XPO5: variants seen among roughly 807,000 people sequenced by gnomAD.
XPO5 encodes the protein exportin-5.
Under a neutral mutation model 160.6 loss-of-function variants are expected in XPO5, and 46 were observed. That is an observed-to-expected ratio of 0.29 (90% CI 0.23 to 0.37). XPO5 has a LOEUF of 0.37. Ranked by LOEUF, XPO5 falls within the 10% of genes least tolerant of loss-of-function variation. XPO5 has a pLI of 1.00. For synonymous variants in XPO5, 537 were observed against 519.3 expected, an observed-to-expected ratio of 1.03 and a Z score of -0.46; for missense variants, 1,090 against 1,463.9, an observed-to-expected ratio of 0.74 and a Z score of 4.17.
At chr6:43,551,256 G>C (rs1475361583) in intron 15 of XPO5, 42 bp downstream of exon 15, 1 of 1,522,352 alleles carries the variant, frequency 6.6e-7, no homozygotes, top group Non-Finnish European at 8.8e-7. Context: ...AATTAACTTA[G>C]AAATGTCAAA....
intron 15 of XPO5, chr6:43,551,011 A>G (rs1337389997): frequency 4.5e-6 from 1 of 220,076 alleles, no homozygotes; most frequent in African/African-American, 2.3e-5. Context: ...CCTGATCCAC[A>G]GTAAGTACTG....
chr6:43,564,498 C>T (rs1238460), intron 8 of XPO5, among the ~76,000 whole-genome samples: 24 of 151,624 alleles, frequency 1.6e-4, no homozygotes, highest in Non-Finnish European at 3.1e-4. Context: ...CATTGCACCC[C>T]AGCCTGGGCA....
chr6:43,525,025 C>T, intron 29 of XPO5, 57 bp from the exon 30 acceptor site: 1 of 1,594,030 alleles, frequency 6.3e-7, no homozygotes, highest in Non-Finnish European at 8.5e-7. Flanking sequence ...GCCTCAGCAC[C>T]CCAGTTCTTC....
At chr6:43,573,716 G>GA (rs1763126224) in intron 1 of XPO5, 115 bp from the exon 2 acceptor site, 2 of 1,301,944 alleles carry the variant, frequency 1.5e-6, no homozygotes, top group Non-Finnish European at 2.0e-6. Context: ...ACCTGTCCCA[G>GA]CACTCTGGGA....
Position 43,549,891 on chromosome 6 carries a change from A to AC in XPO5, c.1770+1dup. On this transcript the variant is annotated splice_donor_variant, in intron 16 of 31. Coordinates refer to ENST00000265351, the MANE Select transcript of XPO5 (RefSeq NM_020750.3). LOFTEE classifies it high-confidence loss of function. The stretch of plus-strand genomic sequence containing the variant: ...ATCTATTGGTTTAATTAATGGTCTT[A>AC]CCTTACTTTCTTCAACAGTTTCAAA... 1 of 1,609,836 alleles carries AC rather than the reference A, an allele frequency of 6.2e-7. No individual in the cohort carries two copies. Among genetic ancestry groups the AC allele is most frequent in the Non-Finnish European group, 8.5e-7 (1 of 1,177,636 alleles).
intron 8 of XPO5, among the ~76,000 whole-genome samples, chr6:43,563,156 G>A (rs192623554): frequency 5.9e-5 from 9 of 151,966 alleles, no homozygotes; most frequent in South Asian, 2.1e-4. Flanking sequence ...ACACGATCTC[G>A]CTGTCACACC....
In XPO5 at chr6:43,526,682, T is replaced by C; in HGVS notation, c.2983+3A>G. On this transcript the variant is annotated splice_donor_region_variant and intron_variant, in intron 27 of 31. Transcript: ENST00000265351. The stretch of plus-strand genomic sequence containing the variant: ...AACTCCAAGGTCTCACAGGCTCACT[T>C]ACCGTCTCCATCTGCTGGGGGAGCA... 1 of 1,613,888 alleles carries C rather than the reference T, an allele frequency of 6.2e-7. No homozygotes were observed. The highest frequency in any genetic ancestry group is 8.5e-7 in the Non-Finnish European group (1 of 1,179,834).
chr6:43,525,812 A>C, intron 28 of XPO5, 27 bp downstream of exon 28: 1 of 1,612,262 alleles, frequency 6.2e-7, no homozygotes, highest in Non-Finnish European at 8.5e-7. Flanking sequence ...GCAAGGAGTA[A>C]AGGTATCACC....
chr6:43,560,430 A>C, intron 10 of XPO5, 127 bp from the exon 11 acceptor site: 1 of 1,214,356 alleles, frequency 8.2e-7, no homozygotes, highest in Non-Finnish European at 1.1e-6. Context: ...AGCTGTCTCT[A>C]CTGCAATTTA....
intron 3 of XPO5, among the ~76,000 whole-genome samples, chr6:43,571,570 T>C (rs1465542888): frequency 6.6e-6 from 1 of 152,126 alleles, no homozygotes; most frequent in Non-Finnish European, 1.5e-5. Context: ...AAAGCCAAGG[T>C]GGGAGGATTG....
chr6:43,560,087 G>T, intron 11 of XPO5, 91 bp downstream of exon 11: 8 of 1,459,572 alleles, frequency 5.5e-6, no homozygotes, highest in Non-Finnish European at 7.4e-6. Flanking sequence ...CCATAGAGCT[G>T]GGATTATAGG....
chr6:43,529,119 ACT>A, intron 23 of XPO5, 194 bp from the exon 24 acceptor site: 3 of 1,144,942 alleles, frequency 2.6e-6, no homozygotes, highest in South Asian at 2.7e-5. Flanking sequence ...ATTCCATTAT[ACT>A]CTTAGTTTAG....
Position 43,567,366 on chromosome 6 carries a change from G to A in XPO5, c.649-12C>T. The A allele has an allele frequency of 1.3e-6, 2 of 1,594,038 alleles. No individual in the cohort carries two copies. The highest frequency in any genetic ancestry group is 1.7e-6 in the Non-Finnish European group (2 of 1,171,112). On this transcript the variant is annotated splice_polypyrimidine_tract_variant and intron_variant, in intron 6 of 31. Coordinates refer to ENST00000265351, the MANE Select transcript of XPO5 (RefSeq NM_020750.3). ...CAGTTTGCTTGCGCCTACCAGAAAA[G>A]AAGTAACTTTGGACCATGAAGTCCT...
chr6:43,533,386 AAAAT>A (rs1582203880), intron 21 of XPO5: 2 of 152,696 alleles, frequency 1.3e-5, no homozygotes, highest in African/African-American at 4.8e-5. Flanking sequence ...ACGGGGAAAA[AAAAT>A]AAATTGCCTT....
At chr6:43,567,595 T>C (rs1012566121) in intron 6 of XPO5, among the ~76,000 whole-genome samples, 5 of 152,054 alleles carry the variant, frequency 3.3e-5, no homozygotes, top group Non-Finnish European at 5.9e-5. Context: ...CCAAATCTTA[T>C]CATTTTACTT....
At chr6:43,568,816 G>A (rs1354751908) in intron 5 of XPO5, 79 bp from the exon 6 acceptor site, 6 of 1,233,476 alleles carry the variant, frequency 4.9e-6, no homozygotes, top group Non-Finnish European at 4.5e-6. Context: ...ACAAATCAAT[G>A]CCCTTGAATA....
Position 43,568,751 on chromosome 6 carries a change from TA to T in XPO5, c.622-15del. The T allele has an allele frequency of 6.4e-7, 1 of 1,570,042 alleles. No individual in the cohort carries two copies. The highest frequency in any genetic ancestry group is 8.7e-7 in the Non-Finnish European group (1 of 1,155,634). Reference sequence around the variant, plus strand: ...AGTATCTGTCTTCTGAAAGGAAGTATAAAGATCCAGTGTTTTTAATGAGCAA... The same window carrying T: ...AGTATCTGTCTTCTGAAAGGAAGTATAAGATCCAGTGTTTTTAATGAGCAA... On this transcript the variant is annotated splice_polypyrimidine_tract_variant and intron_variant, in intron 5 of 31. Transcript: ENST00000265351.
intron 22 of XPO5, 119 bp from the exon 23 acceptor site, chr6:43,530,943 G>A: frequency 7.7e-7 from 1 of 1,298,092 alleles, no homozygotes; most frequent in Non-Finnish European, 1.0e-6. Context: ...AAGAGCAGTT[G>A]TATTTACTTA....
chr6:43,536,344 G>C (rs981602007), intron 20 of XPO5, among the ~76,000 whole-genome samples: 1 of 151,316 alleles, frequency 6.6e-6, no homozygotes, highest in African/African-American at 2.4e-5. Context: ...GAACCCAGGA[G>C]GCGGAAATTG....
Sources: allele counts gnomAD v4.1 joint callset (sites outside exome capture counted in the v4.1 genomes callset), GRCh38; gene constraint gnomAD v4.1.1; transcripts MANE v1.5; gene names NCBI Gene and HGNC (gene_info 2026-07-23, HGNC 2026-07-21).